Variants in RIMS1 observed in about 807,000 individuals in gnomAD.
RIMS1 encodes regulating synaptic membrane exocytosis 1.
RIMS1 carries 83 observed loss-of-function variants against 214.1 expected under a neutral mutation model. The observed-to-expected ratio is 0.39, with a 90% CI of 0.32 to 0.47. The LOEUF is 0.47. Among genes scored for constraint, RIMS1 ranks in the 20% least tolerant of loss-of-function variants. The pLI, the probability that RIMS1 is intolerant of heterozygous loss-of-function variation, is 0.99. For missense variants in RIMS1, 2,050 were observed against 2,161.8 expected (o/e 0.95, Z 1.03); for synonymous variants, 793 against 786.8 (o/e 1.01, Z -0.13).
chr6:72,084,667 A>C (rs1834210912), intron 2 of RIMS1, among the ~76,000 whole-genome samples: 1 of 152,198 alleles, frequency 6.6e-6, no homozygotes. Flanking sequence ...AGATGTCTTC[A>C]TTTAATGCTT....
chr6:72,268,713 TA>T (rs2081682139), intron 22 of RIMS1, among the ~76,000 whole-genome samples: 2 of 152,188 alleles, frequency 1.3e-5, no homozygotes, highest in Non-Finnish European at 2.9e-5. Flanking sequence ...ATAATGCATG[TA>T]AAAAGCAGTT....
intron 6 of RIMS1, among the ~76,000 whole-genome samples, chr6:72,188,438 T>C (rs1309390103): frequency 6.6e-6 from 1 of 152,214 alleles, no homozygotes; most frequent in East Asian, 1.9e-4. Context: ...GAAATGCTGA[T>C]ATGAAGTCAA....
At chr6:72,303,413 G>T (rs889277044) in intron 26 of RIMS1, among the ~76,000 whole-genome samples, 1 of 151,056 alleles carries the variant, frequency 6.6e-6, no homozygotes, top group Admixed American at 6.6e-5. Context: ...GGAATCCTTA[G>T]CAAAGAATGT....
intron 29 of RIMS1, among the ~76,000 whole-genome samples, chr6:72,380,835 G>A (rs2807510): frequency 0.032 from 4,888 of 151,954 alleles, 176 homozygotes; most frequent in African/African-American, 0.096. Flanking sequence ...CCTGGCCTTC[G>A]GACCACTTCT....
At chr6:72,324,069 TAG>T (rs2096316595) in intron 28 of RIMS1, among the ~76,000 whole-genome samples, 1 of 151,292 alleles carries the variant, frequency 6.6e-6, no homozygotes, top group African/African-American at 2.4e-5. Flanking sequence ...GATAGATAGA[TAG>T]ATAGATAGAG....
intron 2 of RIMS1, among the ~76,000 whole-genome samples, chr6:72,011,188 A>G (rs1810434671): frequency 1.3e-5 from 2 of 152,240 alleles, no homozygotes; most frequent in Non-Finnish European, 2.9e-5. Context: ...ATCTACAACT[A>G]TCTGATCTTT....
chr6:72,025,545 ATG>A lies in RIMS1; in HGVS notation c.245+56488_245+56489del, dbSNP rs1052288047. On this transcript the variant is annotated intron_variant, in intron 2 of 33. Transcript: ENST00000521978. ...ACACCATTATTCTACCTATAATGGA[ATG>A]TGTGTCCATACTGCACACATAGTGC... 9.8e-4 allele frequency among the ~76,000 whole-genome samples: 149 copies of A among 152,346 alleles called. 1 individual carries two copies. Among genetic ancestry groups the A allele is most frequent in the African/African-American group, 3.5e-3 (147 of 41,590 alleles).
At chr6:71,895,729 TCTA>T (rs1771540083) in intron 1 of RIMS1, among the ~76,000 whole-genome samples, 1 of 147,746 alleles carries the variant, frequency 6.8e-6, no homozygotes, top group South Asian at 2.1e-4. Flanking sequence ...TGATAGGATG[TCTA>T]GCTGCTAGCT....
chr6:72,135,510 T>C (rs1367217810), intron 4 of RIMS1, among the ~76,000 whole-genome samples: 2 of 152,154 alleles, frequency 1.3e-5, no homozygotes, highest in Non-Finnish European at 2.9e-5. Flanking sequence ...TAAGGAAATT[T>C]AGCTACTTAT....
intron 18 of RIMS1, among the ~76,000 whole-genome samples, chr6:72,260,019 G>T (rs2077295929): frequency 1.3e-5 from 2 of 152,064 alleles, no homozygotes; most frequent in South Asian, 4.1e-4. Context: ...GTCACAATAG[G>T]TACTAGGATG....
chr6:72,233,756 C>A lies in RIMS1; in HGVS notation c.1679-17C>A. Reference sequence around the variant, plus strand: ...CTTTAATACCATTACACTTTTCATTCTTTTTGTATTGCACAGGTGATTTGG... The same window carrying A: ...CTTTAATACCATTACACTTTTCATTATTTTTGTATTGCACAGGTGATTTGG... On this transcript the variant is annotated splice_polypyrimidine_tract_variant and intron_variant, in intron 6 of 33. Coordinates refer to ENST00000521978, the MANE Select transcript of RIMS1 (RefSeq NM_014989.7). The A allele has an allele frequency of 6.5e-7, 1 of 1,544,658 alleles. No homozygotes were observed. The highest frequency in any genetic ancestry group is 8.8e-7 in the Non-Finnish European group (1 of 1,136,826).
intron 2 of RIMS1, among the ~76,000 whole-genome samples, chr6:72,096,650 A>G (rs1455603316): frequency 6.6e-6 from 1 of 152,232 alleles, no homozygotes; most frequent in Non-Finnish European, 1.5e-5. Flanking sequence ...ATTTTGAAAC[A>G]TCTAAAAGAA....
chr6:72,198,189 T>TA (rs1562556633), intron 6 of RIMS1, among the ~76,000 whole-genome samples: 1 of 152,092 alleles, frequency 6.6e-6, no homozygotes, highest in African/African-American at 2.4e-5. Context: ...ATAGCAAAGA[T>TA]ACTGAATCAA....
chr6:72,277,718 T>C (rs1416681632), intron 23 of RIMS1, among the ~76,000 whole-genome samples: 1 of 152,170 alleles, frequency 6.6e-6, no homozygotes, highest in Non-Finnish European at 1.5e-5. Flanking sequence ...GTTTTATTTC[T>C]AAAAATGTTG....
chr6:72,038,046 T>C (rs1360770120), intron 2 of RIMS1, among the ~76,000 whole-genome samples: 4 of 129,852 alleles, frequency 3.1e-5, no homozygotes, highest in South Asian at 2.5e-4. Context: ...TTTGGAGGTA[T>C]GGGGAGAATC....
At chr6:72,285,872 T>C (rs2092129772) in intron 24 of RIMS1, among the ~76,000 whole-genome samples, 1 of 152,188 alleles carries the variant, frequency 6.6e-6, no homozygotes. Flanking sequence ...TTCTTTTAAT[T>C]CTATTCAGTA....
intron 28 of RIMS1, among the ~76,000 whole-genome samples, chr6:72,323,358 A>T (rs1466391602): frequency 6.6e-6 from 1 of 152,092 alleles, no homozygotes; most frequent in East Asian, 1.9e-4. Flanking sequence ...ACTTTAAAAT[A>T]TCTGTGATTA....
At chr6:72,040,103 T>G (rs1197681656) in intron 2 of RIMS1, among the ~76,000 whole-genome samples, 1 of 152,106 alleles carries the variant, frequency 6.6e-6, no homozygotes, top group Non-Finnish European at 1.5e-5. Flanking sequence ...ATTTTGCTAC[T>G]GTTAGGCTCT....
intron 27 of RIMS1, among the ~76,000 whole-genome samples, chr6:72,310,592 C>T (rs2154291160): frequency 6.6e-6 from 1 of 152,132 alleles, no homozygotes; most frequent in South Asian, 2.1e-4. Context: ...TTTATTATTA[C>T]TTACTTCTAA....
Sources: gnomAD v4.1 joint callset for allele counts (sites outside exome capture counted in the v4.1 genomes callset) on GRCh38, gnomAD v4.1.1 for gene constraint, MANE v1.5 for transcripts, NCBI Gene and HGNC (gene_info 2026-07-23, HGNC 2026-07-21) for gene names.